Variants in ELMO1 observed in about 807,000 individuals in gnomAD.
ELMO1 encodes engulfment and cell motility 1, also known as engulfment and cell motility protein 1.
In ELMO1, 26 loss-of-function variants were observed where a neutral mutation model predicts 98.9. That is an observed-to-expected ratio of 0.26 (90% CI 0.19 to 0.36). The LOEUF is 0.36. ELMO1 is among the 10% of genes least tolerant of loss of function. The pLI is 1.00. For synonymous variants in ELMO1, 346 were observed against 346.0 expected (o/e 1.00, Z 0.00); for missense variants, 627 against 935.2 (o/e 0.67, Z 4.30).
In ELMO1 at chr7:37,423,029, T is replaced by C. The variant is rs187206619; in HGVS notation, c.-74+25646A>G. 2.1e-4 allele frequency among the ~76,000 whole-genome samples: 32 copies of C among 152,332 alleles called. No individual in the cohort carries two copies. In the East Asian group the frequency reaches 3.7e-3, roughly 17 times the overall value. On this transcript the variant is annotated intron_variant, in intron 1 of 21. Transcript: ENST00000310758. ...TACATAACTTGTTTAAATTTTCCTATCTGGTAAACCAAGAAAATGGGACTC... is the reference window on the plus strand; with the variant it reads ...TACATAACTTGTTTAAATTTTCCTACCTGGTAAACCAAGAAAATGGGACTC...
At chr7:37,313,369 C>T (rs1163909937) in intron 4 of ELMO1, among the ~76,000 whole-genome samples, 3 of 152,122 alleles carry the variant, frequency 2.0e-5, no homozygotes, top group Non-Finnish European at 4.4e-5. Flanking sequence ...GGATTACAGG[C>T]GCCCATCACC....
chr7:37,318,600 T>C (rs1156994927), intron 2 of ELMO1, among the ~76,000 whole-genome samples: 2 of 152,078 alleles, frequency 1.3e-5, no homozygotes, highest in Non-Finnish European at 2.9e-5. Context: ...GTTGGATATA[T>C]GAAAGGAATA....
chr7:37,123,450 G>A (rs1452297669), intron 14 of ELMO1, among the ~76,000 whole-genome samples: 1 of 152,084 alleles, frequency 6.6e-6, no homozygotes, highest in Non-Finnish European at 1.5e-5. Context: ...AATGATAAAG[G>A]GGGTATCACC....
In ELMO1 at chr7:37,000,127, G is replaced by A. The variant is rs948649847; in HGVS notation, c.1437+13172C>T. 1.6e-4 allele frequency among the ~76,000 whole-genome samples: 24 copies of A among 152,104 alleles called. 1 individual carries two copies. Among genetic ancestry groups the A allele is most frequent in the African/African-American group, 5.8e-4 (24 of 41,390 alleles). On this transcript the variant is annotated intron_variant, in intron 16 of 21. Transcript: ENST00000310758. ...AAGAACCTTTTTCAAACACACGTTG[G>A]GGCAAAAGTATGTCCATTTTATATA...
At position 37,272,317 on chromosome 7, in the gene ELMO1, T is replaced by A. The variant is rs191082867; in HGVS notation, c.193-435A>T. On this transcript the variant is annotated intron_variant, in intron 4 of 21. Transcript: ENST00000310758. ...AACAATACATATGTCCATTACTTGA[T>A]AAATGGATAAGCAAAATGTGGTCTA... Among the ~76,000 whole-genome samples the A allele has an allele frequency of 6.6e-5, 10 of 152,292 alleles. No homozygotes were observed. In the East Asian group the frequency reaches 1.9e-3, roughly 29 times the overall value.
At chr7:36,891,868 T>C (rs928228477) in intron 17 of ELMO1, among the ~76,000 whole-genome samples, 2 of 152,224 alleles carry the variant, frequency 1.3e-5, no homozygotes, top group African/African-American at 4.8e-5. Flanking sequence ...CTGATGTTTG[T>C]CTTTACATCT....
intron 16 of ELMO1, among the ~76,000 whole-genome samples, chr7:36,969,486 C>T (rs562504549): frequency 6.6e-6 from 1 of 152,210 alleles, no homozygotes; most frequent in Admixed American, 6.5e-5. Context: ...TGTCATTTCA[C>T]AGGAAGTTTA....
At chr7:37,018,128 ATTTTT>A (rs34247625) in intron 15 of ELMO1, among the ~76,000 whole-genome samples, 4 of 144,906 alleles carry the variant, frequency 2.8e-5, no homozygotes, top group African/African-American at 1.0e-4. Context: ...ATTAGTTACT[ATTTTT>A]TTTTTTTTTT....
At chr7:37,341,500 A>G (rs934262667) in intron 2 of ELMO1, among the ~76,000 whole-genome samples, 2 of 152,226 alleles carry the variant, frequency 1.3e-5, no homozygotes, top group African/African-American at 4.8e-5. Flanking sequence ...AAACTACCTC[A>G]GAGAGCAGTT....
intron 15 of ELMO1, among the ~76,000 whole-genome samples, chr7:37,074,812 A>T (rs1405594031): frequency 6.6e-6 from 1 of 152,216 alleles, no homozygotes; most frequent in African/African-American, 2.4e-5. Context: ...GGCAAAATGC[A>T]AGCTGATTTT....
intron 20 of ELMO1, among the ~76,000 whole-genome samples, chr7:36,869,696 C>T (rs1055408966): frequency 6.6e-6 from 1 of 152,174 alleles, no homozygotes; most frequent in African/African-American, 2.4e-5. Flanking sequence ...TTCCAGCGGG[C>T]AAAAGAAATT....
intron 2 of ELMO1, among the ~76,000 whole-genome samples, chr7:37,320,409 C>A (rs3847013): frequency 0.64 from 97,777 of 151,946 alleles, 32,759 homozygotes; most frequent in East Asian, 0.87. Context: ...TCACCAAAAA[C>A]AAACAAACAA....
chr7:37,394,087 G>A (rs1321662894), intron 1 of ELMO1, among the ~76,000 whole-genome samples: 1 of 152,118 alleles, frequency 6.6e-6, no homozygotes, highest in Admixed American at 6.5e-5. Context: ...ATTCATTCAT[G>A]CCACTTATAT....
In ELMO1 at chr7:37,366,466, G is replaced by T. The variant is rs562980628; in HGVS notation, c.-73-23703C>A. Among the ~76,000 whole-genome samples, 15 of 152,272 alleles carry T rather than the reference G, an allele frequency of 9.9e-5. No individual in the cohort carries two copies. In the South Asian group the frequency reaches 2.9e-3, roughly 29 times the overall value. On this transcript the variant is annotated intron_variant, in intron 1 of 21. Transcript: ENST00000310758. ...TTTATCAACAGGGGATTGAAGCAAAGAAGTTAAGATCCAGTTCAAAATGAG... is the reference window on the plus strand; with the variant it reads ...TTTATCAACAGGGGATTGAAGCAAATAAGTTAAGATCCAGTTCAAAATGAG...
chr7:36,914,114 A>G (rs1784525180), intron 16 of ELMO1, among the ~76,000 whole-genome samples: 1 of 152,214 alleles, frequency 6.6e-6, no homozygotes, highest in Non-Finnish European at 1.5e-5. Context: ...AGGGTAAGGA[A>G]AGCAGTTCAC....
chr7:37,208,611 C>T (rs1792773390), intron 13 of ELMO1, among the ~76,000 whole-genome samples: 1 of 152,092 alleles, frequency 6.6e-6, no homozygotes, highest in African/African-American at 2.4e-5. Context: ...GCAGCCAGAC[C>T]CTGATATCAT....
intron 15 of ELMO1, among the ~76,000 whole-genome samples, chr7:37,040,621 T>C (rs1795451328): frequency 6.6e-6 from 1 of 152,080 alleles, no homozygotes; most frequent in African/African-American, 2.4e-5. Context: ...AAACCTAAAG[T>C]AGTATATGTT....
chr7:37,138,542 G>A (rs1787413983), intron 13 of ELMO1, among the ~76,000 whole-genome samples: 1 of 152,160 alleles, frequency 6.6e-6, no homozygotes, highest in African/African-American at 2.4e-5. Flanking sequence ...GAATCTCTGA[G>A]CAGACCAATA....
At chr7:37,381,712 C>CA (rs1195813195) in intron 1 of ELMO1, among the ~76,000 whole-genome samples, 2 of 152,140 alleles carry the variant, frequency 1.3e-5, no homozygotes, top group East Asian at 3.9e-4. Context: ...ATCCAGTGTC[C>CA]ACACCTCTTC....
Sources: allele counts gnomAD v4.1 joint callset (sites outside exome capture counted in the v4.1 genomes callset), GRCh38; gene constraint gnomAD v4.1.1; transcripts MANE v1.5; gene names NCBI Gene and HGNC (gene_info 2026-07-23, HGNC 2026-07-21).